EXOC1: variants seen among roughly 807,000 people sequenced by gnomAD.
The protein encoded by EXOC1 is exocyst complex component 1.
Under a neutral mutation model 107.7 loss-of-function variants are expected in EXOC1, and 67 were observed. That is an observed-to-expected ratio of 0.62 (90% CI 0.51 to 0.76). The LOEUF (loss-of-function observed/expected upper bound fraction) is 0.76, where lower values mean the gene tolerates loss of function less well. Among genes scored for constraint, EXOC1 ranks in the 30% least tolerant of loss-of-function variants. EXOC1 has a pLI of 0.00. For synonymous variants in EXOC1, 348 were observed against 353.5 expected (o/e 0.98, Z 0.17); for missense variants, 833 against 1,055.7 (o/e 0.79, Z 2.92).
At chr4:55,875,484 G>C (rs1722814187) in intron 8 of EXOC1, 1 of 975,902 alleles carries the variant, frequency 1.0e-6, no homozygotes, top group Non-Finnish European at 1.2e-6. Flanking sequence ...CTATAGCAAA[G>C]TGCTTAAGAG....
In EXOC1 at chr4:55,893,947, G is replaced by A. The variant is rs572405901; in HGVS notation, c.1953+167G>A. Among the ~76,000 whole-genome samples, 10 of 152,254 alleles carry A rather than the reference G, an allele frequency of 6.6e-5. 1 individual carries two copies. In the East Asian group the frequency reaches 1.9e-3, roughly 29 times the overall value. The stretch of plus-strand genomic sequence containing the variant: ...CTACATGAACAGAGTTAGTTGGGTG[G>A]CACTATGCCAGCTAGTTTCCATTCC... On this transcript the variant is annotated intron_variant, in intron 15 of 18. Coordinates refer to ENST00000381295, the MANE Select transcript of EXOC1 (RefSeq NM_001024924.2).
chr4:55,872,639 T>C (rs1226504854), intron 8 of EXOC1: 2 of 220,202 alleles, frequency 9.1e-6, no homozygotes, highest in Non-Finnish European at 1.5e-5. Flanking sequence ...TGAAAAAAAA[T>C]TGGGGGAATA....
Position 55,904,215 on chromosome 4 carries a change from G to A in EXOC1, c.2533-128G>A, listed in dbSNP as rs891647721. ...GTAGGTAAAAGTGACTGGGATTCTG[G>A]TTTCAGAATGCATGTTCCTAGCTAC... On this transcript the variant is annotated intron_variant, in intron 18 of 18. Coordinates refer to ENST00000381295, the MANE Select transcript of EXOC1 (RefSeq NM_001024924.2). 116 of 836,656 alleles carry A rather than the reference G, an allele frequency of 1.4e-4. No homozygotes were observed. The Admixed American group carries it at 2.9e-3, about 21-fold the overall frequency. The allele number at this position is 836,656 out of a possible 1,614,324, so 51.8% of individuals were successfully genotyped here. A position where few individuals can be genotyped will look rare whatever the true frequency, so the allele number is the denominator to read the frequency against.
In EXOC1 at chr4:55,886,453, T is replaced by C. The variant is rs368178936; in HGVS notation, c.1331-2435T>C. Among the ~76,000 whole-genome samples, 8 of 151,700 alleles carry C rather than the reference T, an allele frequency of 5.3e-5. No individual in the cohort carries two copies. The East Asian group carries it at 5.8e-4, about 11-fold the overall frequency. ...CTGTGGTCCCATCTACTCAGGAGGC[T>C]GAGGGGCACGGATCACTTGAGCCTG... On this transcript the variant is annotated intron_variant, in intron 10 of 18. Coordinates refer to ENST00000381295, the MANE Select transcript of EXOC1 (RefSeq NM_001024924.2).
chr4:55,874,032 T>G (rs910394519), intron 8 of EXOC1, among the ~76,000 whole-genome samples: 8 of 152,168 alleles, frequency 5.3e-5, no homozygotes, highest in African/African-American at 1.9e-4. Context: ...ATGTATGTAA[T>G]AAATTGCTAA....
At position 55,892,617 on chromosome 4, in the gene EXOC1, C is replaced by T. The variant is rs768376405; in HGVS notation, c.1648-18C>T. ...TGTTGGTCTTTTATTATGTAAAGTG[C>T]CTGAATAATTTTTGCAGGCTGAAGC... On this transcript the variant is annotated intron_variant, in intron 13 of 18. Coordinates refer to ENST00000381295, the MANE Select transcript of EXOC1 (RefSeq NM_001024924.2). 6.2e-7 allele frequency: 1 copy of T among 1,612,114 alleles called. No homozygotes were observed. Among genetic ancestry groups the T allele is most frequent in the Non-Finnish European group, 8.5e-7 (1 of 1,178,460 alleles).
chr4:55,896,687 T>G lies in EXOC1; in HGVS notation c.1954-30T>G. 1.9e-6 allele frequency: 3 copies of G among 1,544,990 alleles called. No individual in the cohort carries two copies. In the South Asian group the frequency reaches 3.8e-5, roughly 19 times the overall value. ...TGTAGTTTTAAAGTTGCTTGGTTATTTATCTCCCTTGCTCTCTGCCTAACT... is the reference window on the plus strand; with the variant it reads ...TGTAGTTTTAAAGTTGCTTGGTTATGTATCTCCCTTGCTCTCTGCCTAACT... On this transcript the variant is annotated intron_variant, in intron 15 of 18. Coordinates refer to ENST00000381295, the MANE Select transcript of EXOC1 (RefSeq NM_001024924.2).
chr4:55,877,570 C>T, intron 8 of EXOC1: 4 of 985,280 alleles, frequency 4.1e-6, no homozygotes, highest in Non-Finnish European at 4.8e-6. Flanking sequence ...CAAGCTATAT[C>T]AAGAAGGTCA....
chr4:55,892,623 T>A lies in EXOC1; in HGVS notation c.1648-12T>A. The A allele has an allele frequency of 1.9e-6, 3 of 1,613,640 alleles. No homozygotes were observed. Among genetic ancestry groups the A allele is most frequent in the Non-Finnish European group, 2.5e-6 (3 of 1,179,550 alleles). On this transcript the variant is annotated splice_polypyrimidine_tract_variant and intron_variant, in intron 13 of 18. Coordinates refer to ENST00000381295, the MANE Select transcript of EXOC1 (RefSeq NM_001024924.2). ...TCTTTTATTATGTAAAGTGCCTGAA[T>A]AATTTTTGCAGGCTGAAGCAGAGGA...
intron 12 of EXOC1, 129 bp downstream of exon 12, chr4:55,890,515 A>G (rs981597749): frequency 7.7e-6 from 4 of 521,040 alleles, no homozygotes; most frequent in Non-Finnish European, 9.4e-6. Context: ...TGTCTTTCCA[A>G]CTGAATCGAA....
At position 55,893,675 on chromosome 4, in the gene EXOC1, G is replaced by A; in HGVS notation, c.1848G>A (p.Met616Ile). ...SFNSLYMLVK[M>I]SHHVWTAQNV... ...ACTCTCTTTATATGTTAGTCAAAAT[G>A]AGTCATCATGTGTGGACTGCACAAA... The change falls in exon 15 of 19, where the codon ATG becomes ATA. Residue 616 changes from methionine (M) to isoleucine (I), a missense_variant. Physicochemically the swap from Met to Ile is conservative, Grantham distance 10. Transcript: ENST00000381295. 1 of 1,614,058 alleles carries A rather than the reference G, an allele frequency of 6.2e-7. No homozygotes were observed.
chr4:55,864,946 A>C (rs909261918), intron 4 of EXOC1, among the ~76,000 whole-genome samples: 13 of 152,188 alleles, frequency 8.5e-5, no homozygotes, highest in Non-Finnish European at 1.3e-4. Context: ...CTTGGGTTCA[A>C]ATCCTGGCTT....
In EXOC1 at chr4:55,854,116, T is replaced by C. The variant is rs1720722739; in HGVS notation, c.-11+163T>C. Among the ~76,000 whole-genome samples the C allele has an allele frequency of 2.6e-5, 4 of 152,132 alleles. No homozygotes were observed. In the South Asian group the frequency reaches 8.3e-4, roughly 32 times the overall value. The stretch of plus-strand genomic sequence containing the variant: ...CCTGATCGTAAGCTCTTTGGCGTGG[T>C]CCAGGAGAGGAGAGCGTGACTGTGC... On this transcript the variant is annotated intron_variant, in intron 1 of 18. Transcript: ENST00000381295.
rs1721373383 is a variant in EXOC1 at position 55,860,500 on chromosome 4, C to T, written c.214C>T (p.Leu72Phe). The T allele has an allele frequency of 1.9e-6, 3 of 1,614,006 alleles. No homozygotes were observed. The highest frequency in any genetic ancestry group is 1.1e-5 in the South Asian group (1 of 91,078). The part of the protein sequence containing the change: ...DFYKRQIAWA[L>F]RDLAVVDAKD... ...CTACAAAAGGCAGATTGCATGGGCC[C>T]TTCGAGATCTTGCTGTGGTAGATGC... The change falls in exon 3 of 19, where the codon CTT becomes TTT. Residue 72 changes from leucine (L) to phenylalanine (F), a missense_variant. By Grantham distance (22) the Leu-to-Phe change is conservative. This residue lies in a region of EXOC1 where 617 missense variants were observed against 701.3 expected (regional missense o/e 0.88). Coordinates refer to ENST00000381295, the MANE Select transcript of EXOC1 (RefSeq NM_001024924.2).
At chr4:55,866,882 A>T in intron 4 of EXOC1, 1 of 985,322 alleles carries the variant, frequency 1.0e-6, no homozygotes, top group Non-Finnish European at 1.2e-6. Flanking sequence ...AACTGCCTAA[A>T]GTTACAGAAG....
chr4:55,901,504 TACAATA>T (rs1379520700), intron 17 of EXOC1, among the ~76,000 whole-genome samples: 1 of 151,990 alleles, frequency 6.6e-6, no homozygotes, highest in Non-Finnish European at 1.5e-5. Context: ...GAATAATAGT[TACAATA>T]ATATAACAGA....
chr4:55,876,732 T>C, intron 8 of EXOC1: 4 of 985,402 alleles, frequency 4.1e-6, no homozygotes, highest in African/African-American at 1.7e-5. Flanking sequence ...TTAACCTAAG[T>C]AGATATCAGT....
At chr4:55,865,839 G>C (rs77858100) in intron 4 of EXOC1, among the ~76,000 whole-genome samples, 1 of 151,512 alleles carries the variant, frequency 6.6e-6, no homozygotes, top group African/African-American at 2.4e-5. Flanking sequence ...AAAAAAAAAG[G>C]CATTCAATTT....
intron 3 of EXOC1, among the ~76,000 whole-genome samples, chr4:55,861,411 AAAC>A (rs1387003331): frequency 6.6e-6 from 1 of 152,226 alleles, no homozygotes; most frequent in East Asian, 1.9e-4. Context: ...AAACAACAAA[AAAC>A]AAAAAAACTG....
Sources: allele counts gnomAD v4.1 joint callset (sites outside exome capture counted in the v4.1 genomes callset), GRCh38; gene constraint gnomAD v4.1.1; regional missense constraint gnomAD v4.1.1; transcripts MANE v1.5; gene names NCBI Gene and HGNC (gene_info 2026-07-23, HGNC 2026-07-21).